The following TSPAN18 variants were observed in gnomAD, a reference collection of about 807,000 sequenced individuals.
TSPAN18 encodes tetraspanin 18.
A neutral mutation model predicts 27.3 loss-of-function variants in TSPAN18; 14 were observed. That is an observed-to-expected ratio of 0.51 (90% CI 0.34 to 0.80). TSPAN18 has a LOEUF of 0.80. TSPAN18 is among the 30% of genes least tolerant of loss of function. The pLI is 0.01. For missense variants in TSPAN18, 268 were observed against 323.9 expected (o/e 0.83, Z 1.32); for synonymous variants, 143 against 136.5 (o/e 1.05, Z -0.33).
intron 4 of TSPAN18, among the ~76,000 whole-genome samples, chr11:44,908,343 A>G (rs1223957415): frequency 6.6e-6 from 1 of 152,062 alleles, no homozygotes; most frequent in Non-Finnish European, 1.5e-5. Flanking sequence ...CCACCACACA[A>G]AGGGATTTCA....
chr11:44,853,003 A>AGT (rs1334246882), intron 2 of TSPAN18, among the ~76,000 whole-genome samples: 5 of 152,238 alleles, frequency 3.3e-5, no homozygotes, highest in Admixed American at 6.5e-5. Context: ...CAAAAGCTCA[A>AGT]GTGTTCGTGC....
chr11:44,750,144 T>G (rs895303462), intron 1 of TSPAN18, among the ~76,000 whole-genome samples: 1 of 152,244 alleles, frequency 6.6e-6, no homozygotes, highest in African/African-American at 2.4e-5. Context: ...CCCAGGAACC[T>G]GAAGCAGGCA....
chr11:44,738,506 A>T (rs994280803), intron 1 of TSPAN18, among the ~76,000 whole-genome samples: 23 of 152,182 alleles, frequency 1.5e-4, no homozygotes, highest in African/African-American at 5.3e-4. Context: ...GGATTACATA[A>T]ATTAATTCAT....
rs144127728 is a variant in TSPAN18, at chr11:44,931,971, C to T, written c.*2793C>T. The T allele has an allele frequency of 2.0e-3, 299 of 152,404 alleles. No individual in the cohort carries two copies. Among genetic ancestry groups the T allele is most frequent in the Non-Finnish European group, 3.5e-3 (235 of 68,074 alleles). The allele number at this position is 152,404 out of a possible 1,614,324, so 9.4% of individuals were successfully genotyped here. ...CCCTGCCTGTATCGAAAGCCACTTT[C>T]CTGCTCTGAAGCTACTGCCTCTTAG... On this transcript the variant is annotated 3_prime_UTR_variant, in exon 10 of 10. Transcript: ENST00000520358.
chr11:44,740,938 C>T (rs1427636423), intron 1 of TSPAN18, among the ~76,000 whole-genome samples: 2 of 152,186 alleles, frequency 1.3e-5, no homozygotes, highest in Admixed American at 6.5e-5. Context: ...CCACCACACC[C>T]AGCTAATTTT....
chr11:44,823,172 G>A (rs1369813885), intron 2 of TSPAN18, among the ~76,000 whole-genome samples: 1 of 152,206 alleles, frequency 6.6e-6, no homozygotes, highest in African/African-American at 2.4e-5. Context: ...CCACTGCCCA[G>A]GCCTTGCTCA....
intron 3 of TSPAN18, among the ~76,000 whole-genome samples, chr11:44,879,428 G>A (rs896035140): frequency 5.9e-5 from 9 of 152,222 alleles, no homozygotes; most frequent in Admixed American, 4.6e-4. Context: ...TCCACAAAGA[G>A]GGGACAGACA....
At chr11:44,825,614 C>A (rs928724753) in intron 2 of TSPAN18, among the ~76,000 whole-genome samples, 1 of 152,192 alleles carries the variant, frequency 6.6e-6, no homozygotes, top group African/African-American at 2.4e-5. Context: ...TCCTGACAGA[C>A]TCGAGCTGGA....
intron 8 of TSPAN18, among the ~76,000 whole-genome samples, chr11:44,921,469 G>A (rs1183970488): frequency 6.6e-6 from 1 of 152,190 alleles, no homozygotes. Flanking sequence ...AGCCTGCCTT[G>A]CAGCTAGACC....
chr11:44,759,345 T>C (rs1257595331), intron 1 of TSPAN18, among the ~76,000 whole-genome samples: 1 of 152,024 alleles, frequency 6.6e-6, no homozygotes, highest in Non-Finnish European at 1.5e-5. Flanking sequence ...AGCTAGGGGG[T>C]GATGGTGTTT....
chr11:44,888,981 G>C (rs188647394), intron 3 of TSPAN18, among the ~76,000 whole-genome samples: 178 of 152,300 alleles, frequency 1.2e-3, no homozygotes, highest in Non-Finnish European at 2.1e-3. Context: ...GAATTCTCAC[G>C]GGATCTAATG....
intron 2 of TSPAN18, among the ~76,000 whole-genome samples, chr11:44,837,334 A>G (rs1857284075): frequency 6.6e-6 from 1 of 152,208 alleles, no homozygotes; most frequent in Admixed American, 6.5e-5. Context: ...ATGGCAAGGG[A>G]CCTAGAATTA....
At chr11:44,871,331 A>C (rs531181086) in intron 3 of TSPAN18, among the ~76,000 whole-genome samples, 2 of 152,246 alleles carry the variant, frequency 1.3e-5, no homozygotes, top group African/African-American at 4.8e-5. Flanking sequence ...AAGAGGAAGC[A>C]AGCTCTCCTG....
At chr11:44,760,247 T>C (rs1333309131) in intron 1 of TSPAN18, among the ~76,000 whole-genome samples, 1 of 151,894 alleles carries the variant, frequency 6.6e-6, no homozygotes, top group Non-Finnish European at 1.5e-5. Context: ...ACTCTGACAA[T>C]GAAGGAGAGG....
intron 2 of TSPAN18, among the ~76,000 whole-genome samples, chr11:44,820,869 A>G (rs1157250773): frequency 2.0e-5 from 3 of 152,210 alleles, no homozygotes; most frequent in Non-Finnish European, 2.9e-5. Flanking sequence ...CTCTCTTGCC[A>G]TGTGACATGC....
At chr11:44,890,348 C>T (rs1281774718) in intron 3 of TSPAN18, among the ~76,000 whole-genome samples, 1 of 152,206 alleles carries the variant, frequency 6.6e-6, no homozygotes, top group Non-Finnish European at 1.5e-5. Flanking sequence ...ACACAAGCAA[C>T]AAACCACAGT....
intron 3 of TSPAN18, among the ~76,000 whole-genome samples, chr11:44,904,161 T>C (rs879683070): frequency 2.6e-5 from 4 of 152,054 alleles, no homozygotes; most frequent in Admixed American, 6.5e-5. Flanking sequence ...TTCCCTTGCA[T>C]TCCTCACCAG....
At chr11:44,929,028 T>C (rs1220465454) in intron 9 of TSPAN18, 103 bp from the exon 10 acceptor site, 3 of 1,426,750 alleles carry the variant, frequency 2.1e-6, no homozygotes, top group Non-Finnish European at 2.9e-6. Context: ...AGGAGTGTGC[T>C]AAGAGTGACA....
At chr11:44,909,920 C>G in intron 5 of TSPAN18, 21 bp downstream of exon 5, 1 of 1,599,296 alleles carries the variant, frequency 6.3e-7, no homozygotes, top group Non-Finnish European at 8.5e-7. Context: ...CAGCCCCCAC[C>G]CCATCCATGG....
Sources: gnomAD v4.1 joint callset for allele counts (sites outside exome capture counted in the v4.1 genomes callset) on GRCh38, gnomAD v4.1.1 for gene constraint, MANE v1.5 for transcripts, NCBI Gene and HGNC (gene_info 2026-07-23, HGNC 2026-07-21) for gene names.